Variants in ATP10B observed in about 807,000 individuals in gnomAD.
ATP10B encodes phospholipid-transporting ATPase VB.
A neutral mutation model predicts 141.2 loss-of-function variants in ATP10B; 122 were observed. The ratio of observed to expected loss-of-function variants is 0.86; its 90% confidence interval spans 0.75 to 1.00. The LOEUF is 1.00. Ranked by LOEUF, ATP10B falls within the 50% of genes least tolerant of loss-of-function variation. The pLI is 0.00. For missense variants in ATP10B, 1,876 were observed against 1,825.3 expected, an observed-to-expected ratio of 1.03 and a Z score of -0.51; for synonymous variants, 685 against 692.0, an observed-to-expected ratio of 0.99 and a Z score of 0.16.
intron 3 of ATP10B, among the ~76,000 whole-genome samples, chr5:160,698,838 G>T (rs1764520188): frequency 6.6e-6 from 1 of 152,214 alleles, no homozygotes. Context: ...AGTAGAAATA[G>T]CCAATTAGTG....
chr5:160,794,829 T>C (rs765835107), intron 1 of ATP10B, among the ~76,000 whole-genome samples: 1 of 152,244 alleles, frequency 6.6e-6, no homozygotes, highest in Admixed American at 6.5e-5. Flanking sequence ...CAATATACTC[T>C]CTCATAGCAC....
intron 1 of ATP10B, among the ~76,000 whole-genome samples, chr5:160,786,522 AG>A (rs775068885): frequency 3.3e-5 from 5 of 152,146 alleles, no homozygotes; most frequent in Non-Finnish European, 7.4e-5. Flanking sequence ...GAGAGAGGGC[AG>A]GGTGGGAAAA....
At chr5:160,880,464 CAG>C in the ATP10B span, among the ~76,000 whole-genome samples, 1 of 151,912 alleles carries the variant, frequency 6.6e-6, no homozygotes, top group Non-Finnish European at 1.5e-5. Context: ...GGAGAGGAAA[CAG>C]ATGCAGAATA....
At chr5:160,837,183 C>CT (rs1392140653) in intron 1 of ATP10B, among the ~76,000 whole-genome samples, 7 of 152,042 alleles carry the variant, frequency 4.6e-5, no homozygotes, top group East Asian at 1.9e-4. Flanking sequence ...GTTTATGGTG[C>CT]TTTTTTTCCC....
chr5:160,648,120 T>C (rs185439152), intron 8 of ATP10B, among the ~76,000 whole-genome samples: 1 of 152,308 alleles, frequency 6.6e-6, no homozygotes. Context: ...TTTGCATCTA[T>C]AAAGTCTCAG....
chr5:160,674,463 C>G (rs371144026), intron 6 of ATP10B, among the ~76,000 whole-genome samples: 8 of 152,334 alleles, frequency 5.3e-5, no homozygotes, highest in East Asian at 1.9e-4. Context: ...GAGCCACCCA[C>G]AAGTGGTAAG....
the ATP10B span, among the ~76,000 whole-genome samples, chr5:160,927,601 A>G: frequency 2.0e-5 from 3 of 152,206 alleles, no homozygotes; most frequent in African/African-American, 7.2e-5. Flanking sequence ...TGAATGAGAA[A>G]GAGGTAAACT....
At chr5:160,739,673 G>A (rs1285214834) in intron 2 of ATP10B, among the ~76,000 whole-genome samples, 2 of 152,118 alleles carry the variant, frequency 1.3e-5, no homozygotes, top group African/African-American at 4.8e-5. Flanking sequence ...GGGAACATAG[G>A]TGAGAGATAT....
the ATP10B span, among the ~76,000 whole-genome samples, chr5:160,905,562 T>C: frequency 3.3e-5 from 5 of 152,074 alleles, no homozygotes; most frequent in Admixed American, 6.5e-5. Flanking sequence ...TTATAACTTA[T>C]GTGGGTCCTC....
the ATP10B span, among the ~76,000 whole-genome samples, chr5:160,924,329 A>T: frequency 1.3e-5 from 2 of 152,222 alleles, no homozygotes; most frequent in Non-Finnish European, 2.9e-5. Context: ...CCCTGGGCCA[A>T]CTTTGTGTGC....
the ATP10B span, among the ~76,000 whole-genome samples, chr5:160,891,679 C>T: frequency 2.6e-5 from 4 of 152,174 alleles, no homozygotes; most frequent in Admixed American, 6.5e-5. Context: ...CTCAAGTGAT[C>T]CACCTGCCTC....
At chr5:160,832,953 C>G (rs1775192208) in intron 1 of ATP10B, among the ~76,000 whole-genome samples, 1 of 152,128 alleles carries the variant, frequency 6.6e-6, no homozygotes, top group South Asian at 2.1e-4. Flanking sequence ...AGTCACTCGT[C>G]ACTCTCCAAC....
At chr5:160,632,574 T>C (rs1212986464) in intron 12 of ATP10B, 2 of 455,538 alleles carry the variant, frequency 4.4e-6, no homozygotes, top group East Asian at 6.3e-5. Context: ...CTACTAGTTA[T>C]GTGACTTTGA....
the ATP10B span, among the ~76,000 whole-genome samples, chr5:160,887,575 C>T: frequency 2.6e-5 from 4 of 152,120 alleles, no homozygotes; most frequent in Admixed American, 1.3e-4. Context: ...TCCTTAAAGG[C>T]CCGCAAAGTC....
intron 1 of ATP10B, among the ~76,000 whole-genome samples, chr5:160,849,618 TACAC>T (rs796968833): frequency 7.2e-4 from 107 of 148,236 alleles, no homozygotes; most frequent in African/African-American, 2.4e-3. Flanking sequence ...TACTGGCAAT[TACAC>T]ACACACACAC....
chr5:160,705,786 T>G (rs1764979457), intron 3 of ATP10B, among the ~76,000 whole-genome samples: 1 of 152,254 alleles, frequency 6.6e-6, no homozygotes, highest in South Asian at 2.1e-4. Flanking sequence ...CAAGAACTTT[T>G]TCTTTGCATT....
chr5:160,594,880 C>A lies in ATP10B; in HGVS notation c.3565-3741G>T, dbSNP rs375151202. Among the ~76,000 whole-genome samples the A allele has an allele frequency of 2.5e-4, 38 of 152,290 alleles. No homozygotes were observed. In the East Asian group the frequency reaches 7.1e-3, roughly 29 times the overall value. On this transcript the variant is annotated intron_variant, in intron 22 of 25. Transcript: ENST00000327245. ...TATATGCACCCAATACAGGAGCACC[C>A]AGATTCATAAAGCAAGTCCTGAGTG...
At position 160,708,844 on chromosome 5, in the gene ATP10B, T is replaced by A. The variant is rs192686270; in HGVS notation, c.-205+8065A>T. Among the ~76,000 whole-genome samples the A allele has an allele frequency of 1.1e-3, 171 of 152,268 alleles. 3 individuals carry two copies. Among genetic ancestry groups the A allele is most frequent in the Admixed American group, 9.5e-3 (145 of 15,290 alleles). On this transcript the variant is annotated intron_variant, in intron 3 of 25. Transcript: ENST00000327245. ...TGATTTATCTGCATAATGACAACAA[T>A]GCAAGGTTCTTGAATTATCTCGTGG...
chr5:160,677,426 T>G (rs1042332475), intron 6 of ATP10B, among the ~76,000 whole-genome samples: 5 of 152,230 alleles, frequency 3.3e-5, no homozygotes, highest in Non-Finnish European at 7.3e-5. Flanking sequence ...TCCAGCCAAC[T>G]GCACTTTTCA....
Sources: gnomAD v4.1 joint callset for allele counts (sites outside exome capture counted in the v4.1 genomes callset) on GRCh38, gnomAD v4.1.1 for gene constraint, MANE v1.5 for transcripts, NCBI Gene and HGNC (gene_info 2026-07-23, HGNC 2026-07-21) for gene names.